GALNT17: variants seen among roughly 807,000 people sequenced by gnomAD.
GALNT17 encodes the protein UDP-GalNAc:polypeptide N-acetylgalactosaminyltransferase-like 3.
In GALNT17, 29 loss-of-function variants were observed where a neutral mutation model predicts 63.7. The ratio of observed to expected loss-of-function variants is 0.46; its 90% CI spans 0.34 to 0.62. GALNT17 has a LOEUF of 0.62. Among genes scored for constraint, GALNT17 ranks in the 20% least tolerant of loss-of-function variants. GALNT17 has a pLI of 0.01. For synonymous variants in GALNT17, 305 were observed against 318.3 expected (o/e 0.96, Z 0.45); for missense variants, 603 against 799.6 (o/e 0.75, Z 2.97).
chr7:71,168,583 A>G (rs1020914252), intron 1 of GALNT17, among the ~76,000 whole-genome samples: 4 of 152,154 alleles, frequency 2.6e-5, no homozygotes, highest in Admixed American at 2.0e-4. Flanking sequence ...AAAAAAAAAG[A>G]AAATTCTATA....
chr7:71,581,451 C>T (rs1230484959), intron 6 of GALNT17, among the ~76,000 whole-genome samples: 4 of 152,262 alleles, frequency 2.6e-5, no homozygotes, highest in South Asian at 4.1e-4. Flanking sequence ...TGAGCCACTG[C>T]GCCCGGCCAC....
rs115154506 is a variant in GALNT17 at position 71,674,577 on chromosome 7, G to A, written c.1405-2634G>A. On this transcript the variant is annotated intron_variant, in intron 8 of 10. Transcript: ENST00000333538. ...GTCACCCAAGATGGAATCCAGTGGC[G>A]CAATCTCAGCTCACTGTAGCCTTAA... is the stretch of plus-strand genomic sequence containing the variant. Among the ~76,000 whole-genome samples, 331 of 151,964 alleles carry A rather than the reference G, an allele frequency of 2.2e-3. 1 individual carries two copies. The highest frequency in any genetic ancestry group is 7.4e-3 in the African/African-American group (308 of 41,446).
At chr7:71,711,077 G>C in intron 10 of GALNT17, 149 bp downstream of exon 10, 1 of 1,035,298 alleles carries the variant, frequency 9.7e-7, no homozygotes, top group Non-Finnish European at 1.4e-6. Context: ...TGGACCCAAA[G>C]CACTTCCTGG....
At chr7:71,564,243 C>A (rs73185176) in intron 5 of GALNT17, among the ~76,000 whole-genome samples, 1 of 149,036 alleles carries the variant, frequency 6.7e-6, no homozygotes, top group Non-Finnish European at 1.5e-5. Context: ...TTGATCGTGA[C>A]GGGCAATTTT....
chr7:71,257,338 T>C (rs1011269286), intron 1 of GALNT17, among the ~76,000 whole-genome samples: 1 of 152,176 alleles, frequency 6.6e-6, no homozygotes, highest in Non-Finnish European at 1.5e-5. Flanking sequence ...AGGGTGTCCA[T>C]TATGAAATCT....
intron 6 of GALNT17, among the ~76,000 whole-genome samples, chr7:71,614,198 G>T (rs1463941849): frequency 6.6e-6 from 1 of 152,104 alleles, no homozygotes; most frequent in Non-Finnish European, 1.5e-5. Context: ...CTTCTGGAGA[G>T]AGCCAAGAAG....
intron 6 of GALNT17, among the ~76,000 whole-genome samples, chr7:71,601,777 C>A (rs766103498): frequency 2.6e-4 from 39 of 151,960 alleles, no homozygotes; most frequent in African/African-American, 9.4e-4. Context: ...AGAGCAAGAC[C>A]CTGTCTTTGG....
chr7:71,263,795 G>A (rs1005883339), intron 1 of GALNT17, among the ~76,000 whole-genome samples: 1 of 152,014 alleles, frequency 6.6e-6, no homozygotes, highest in Non-Finnish European at 1.5e-5. Context: ...GTGGTGGCAG[G>A]CGCCTGTAGT....
intron 6 of GALNT17, among the ~76,000 whole-genome samples, chr7:71,640,593 A>G (rs1790589818): frequency 6.6e-6 from 1 of 152,230 alleles, no homozygotes; most frequent in Admixed American, 6.5e-5. Flanking sequence ...AATTTATAGT[A>G]GTTAGTAAAC....
intron 5 of GALNT17, among the ~76,000 whole-genome samples, chr7:71,564,748 C>T (rs1043896069): frequency 6.6e-6 from 1 of 152,178 alleles, no homozygotes; most frequent in Non-Finnish European, 1.5e-5. Flanking sequence ...TCCTGGGCAC[C>T]TCTGGGCTGC....
At chr7:71,174,396 G>A (rs1158905248) in intron 1 of GALNT17, among the ~76,000 whole-genome samples, 1 of 152,200 alleles carries the variant, frequency 6.6e-6, no homozygotes, top group Non-Finnish European at 1.5e-5. Context: ...CTGGGGACCT[G>A]TGGGGAAGGT....
At chr7:71,650,257 T>C (rs1465892729) in intron 6 of GALNT17, among the ~76,000 whole-genome samples, 2 of 152,228 alleles carry the variant, frequency 1.3e-5, no homozygotes, top group Admixed American at 1.3e-4. Flanking sequence ...TGCTATTTAT[T>C]TATTTTGAGA....
chr7:71,341,224 A>G (rs1309513407), intron 2 of GALNT17, among the ~76,000 whole-genome samples: 1 of 152,228 alleles, frequency 6.6e-6, no homozygotes, highest in Non-Finnish European at 1.5e-5. Flanking sequence ...AATTTAATAA[A>G]GAGTTGGAAG....
chr7:71,447,892 C>T (rs574047928), intron 5 of GALNT17, among the ~76,000 whole-genome samples: 1 of 152,284 alleles, frequency 6.6e-6, no homozygotes, highest in Admixed American at 6.5e-5. Context: ...GAGAGCTCCC[C>T]AGGGTGCTAT....
At chr7:71,278,038 G>A (rs1790712712) in intron 1 of GALNT17, among the ~76,000 whole-genome samples, 1 of 152,190 alleles carries the variant, frequency 6.6e-6, no homozygotes, top group Non-Finnish European at 1.5e-5. Context: ...GGTCAAGCTA[G>A]GCAGTTCAGC....
rs148114406 is a variant in GALNT17, at chr7:71,394,881, C to G, written c.589+6480C>G. On this transcript the variant is annotated intron_variant, in intron 3 of 10. Transcript: ENST00000333538. ...CTTTGAGAGGCCGAGGCGAGCAGATCACTTGAGGTCAGGAGTTCGAGACCA... is the reference window on the plus strand; with the variant it reads ...CTTTGAGAGGCCGAGGCGAGCAGATGACTTGAGGTCAGGAGTTCGAGACCA... Among the ~76,000 whole-genome samples, 644 of 152,234 alleles carry G rather than the reference C, an allele frequency of 4.2e-3. 3 individuals are homozygous for G. The highest frequency in any genetic ancestry group is 0.014 in the African/African-American group (582 of 41,526).
Position 71,316,079 on chromosome 7 carries a change from G to A in GALNT17, c.239-19471G>A, listed in dbSNP as rs572994451. ...GCATTGGGCAGAGAGATTGTGTCCA[G>A]TGCAACAGCTGGGGCCTCTGCAGGG... On this transcript the variant is annotated intron_variant, in intron 1 of 10. Coordinates refer to ENST00000333538, the MANE Select transcript of GALNT17 (RefSeq NM_022479.3). Among the ~76,000 whole-genome samples, 10 of 152,278 alleles carry A rather than the reference G, an allele frequency of 6.6e-5. No homozygotes were observed. The South Asian group carries it at 1.9e-3, about 28-fold the overall frequency.
intron 2 of GALNT17, among the ~76,000 whole-genome samples, chr7:71,362,846 C>G (rs2707427): frequency 6.6e-6 from 1 of 152,142 alleles, no homozygotes; most frequent in East Asian, 1.9e-4. Flanking sequence ...ACTGAAAGAC[C>G]GTACACGGGT....
At chr7:71,685,198 G>A (rs1334794580) in intron 9 of GALNT17, among the ~76,000 whole-genome samples, 1 of 152,134 alleles carries the variant, frequency 6.6e-6, no homozygotes, top group East Asian at 1.9e-4. Context: ...GAAAGCCCAG[G>A]TGCAGAGGCT....
Sources: allele counts gnomAD v4.1 joint callset (sites outside exome capture counted in the v4.1 genomes callset), GRCh38; gene constraint gnomAD v4.1.1; transcripts MANE v1.5; gene names NCBI Gene and HGNC (gene_info 2026-07-23, HGNC 2026-07-21).